Variants in MAPRE1 observed in about 807,000 individuals in gnomAD.
The protein encoded by MAPRE1 is microtubule associated protein RP/EB family member 1, also known as microtubule-associated protein RP/EB family member 1.
MAPRE1 carries 5 observed loss-of-function variants against 32.1 expected under a neutral mutation model. That is an observed-to-expected ratio of 0.16 (90% confidence interval 0.08 to 0.33). MAPRE1 has a LOEUF of 0.33. Among genes scored for constraint, MAPRE1 ranks in the 10% least tolerant of loss-of-function variants. The probability of loss-of-function intolerance (pLI) is 1.00; values close to 1 mark genes in which losing one functional copy is unlikely to be tolerated. For missense variants in MAPRE1, 209 were observed against 327.2 expected (o/e 0.64, Z 2.79); for synonymous variants, 122 against 118.9 (o/e 1.03, Z -0.17).
chr20:32,848,725 T>C lies in MAPRE1; in HGVS notation c.804T>C (p.Tyr268=). ...EGGPQEEQEE[Y] is the part of the protein sequence containing the mutation. ...GCCCACAGGAGGAGCAAGAAGAGTATTAACAGCCTGGACCAGCAGAGCAAC... is the reference window on the plus strand; with the variant it reads ...GCCCACAGGAGGAGCAAGAAGAGTACTAACAGCCTGGACCAGCAGAGCAAC... Residue 268 remains tyrosine (Y), a synonymous_variant, in exon 7 of 7, where the codon TAT becomes TAC. Coordinates refer to ENST00000375571, the MANE Select transcript of MAPRE1 (RefSeq NM_012325.3). 1 of 1,612,042 alleles carries C rather than the reference T, an allele frequency of 6.2e-7. No individual in the cohort carries two copies. Among genetic ancestry groups the C allele is most frequent in the Non-Finnish European group, 8.5e-7 (1 of 1,179,074 alleles).
intron 3 of MAPRE1, among the ~76,000 whole-genome samples, 166 bp downstream of exon 3, chr20:32,834,028 C>T (rs1464809486): frequency 6.6e-6 from 1 of 152,158 alleles, no homozygotes; most frequent in African/African-American, 2.4e-5. Context: ...CCCCTACCTT[C>T]TTGCCCCTAT....
At chr20:32,846,113 A>T (rs900352181) in intron 5 of MAPRE1, among the ~76,000 whole-genome samples, 1 of 152,192 alleles carries the variant, frequency 6.6e-6, no homozygotes, top group African/African-American at 2.4e-5. Context: ...GGACTGAGAC[A>T]GATTTCTTCA....
chr20:32,838,119 A>G (rs1163615486), intron 4 of MAPRE1, among the ~76,000 whole-genome samples: 2 of 152,140 alleles, frequency 1.3e-5, no homozygotes, highest in African/African-American at 2.4e-5. Flanking sequence ...TACATAGTTA[A>G]TAGTTGTCAC....
chr20:32,844,429 G>C (rs1983446487), intron 5 of MAPRE1, among the ~76,000 whole-genome samples: 1 of 126,904 alleles, frequency 7.9e-6, no homozygotes, highest in African/African-American at 2.9e-5. Context: ...TGGATACCAA[G>C]CTAGCATTCC....
In MAPRE1 at chr20:32,839,749, A is replaced by G. The variant is rs778621807; in HGVS notation, c.490A>G (p.Ile164Val). The G allele has an allele frequency of 2.5e-6, 4 of 1,614,042 alleles. No homozygotes were observed. The African/African-American group carries it at 4.0e-5, about 16-fold the overall frequency. Residue 164 changes from isoleucine to valine, a missense_variant, in exon 5 of 7, where the codon ATC (isoleucine) becomes GTC (valine). Around this residue, in one of 3 missense-constraint regions of MAPRE1, gnomAD observed 106 missense variants for 115.3 expected, o/e 0.92. Transcript: ENST00000375571. ...CTCTTTTTCAGCTCCCCAGAGGCCC[A>G]TCTCAACACAGAGAACCGCTGCGGC... ...TSSSAAPQRP[I>V]STQRTAAAPK...
intron 2 of MAPRE1, among the ~76,000 whole-genome samples, chr20:32,827,563 T>C (rs1254806708): frequency 1.3e-5 from 2 of 152,038 alleles, no homozygotes; most frequent in Non-Finnish European, 2.9e-5. Flanking sequence ...CACTCACTAA[T>C]CATGAGCCAC....
At chr20:32,839,351 G>A (rs1293978704) in intron 4 of MAPRE1, among the ~76,000 whole-genome samples, 1 of 152,202 alleles carries the variant, frequency 6.6e-6, no homozygotes, top group Admixed American at 6.5e-5. Context: ...AATCTTAGCT[G>A]TTGTAACCAA....
chr20:32,834,657 A>G (rs1983135700), intron 3 of MAPRE1, among the ~76,000 whole-genome samples: 1 of 152,076 alleles, frequency 6.6e-6, no homozygotes, highest in Non-Finnish European at 1.5e-5. Context: ...TGTCTCTACA[A>G]TATATAAAAT....
chr20:32,830,535 T>C (rs996403340), intron 2 of MAPRE1, among the ~76,000 whole-genome samples: 1 of 152,164 alleles, frequency 6.6e-6, no homozygotes, highest in African/African-American at 2.4e-5. Context: ...ATTCACAGTT[T>C]TATTTGTCTT....
intron 3 of MAPRE1, among the ~76,000 whole-genome samples, chr20:32,835,660 C>T (rs1224516208): frequency 6.6e-5 from 10 of 151,376 alleles, no homozygotes; most frequent in African/African-American, 2.4e-4. Context: ...GGCTGGAGTG[C>T]AGTGGTGCAA....
rs1983590134 is a variant in MAPRE1, at chr20:32,849,475, T to C, written c.*747T>C. The C allele has an allele frequency of 6.6e-6, 1 of 152,272 alleles. No individual in the cohort carries two copies. Among genetic ancestry groups the C allele is most frequent in the South Asian group, 2.1e-4 (1 of 4,836 alleles). The allele number at this position is 152,272 out of a possible 1,614,324, so 9.4% of individuals were successfully genotyped here. ...TTGAGCATTTCTCTATTTTTCCAGT[T>C]ATCCCCGAAATTTCTATGTATTATA... On this transcript the variant is annotated 3_prime_UTR_variant, in exon 7 of 7. Coordinates refer to ENST00000375571, the MANE Select transcript of MAPRE1 (RefSeq NM_012325.3).
At chr20:32,842,090 A>C (rs1377585390) in intron 5 of MAPRE1, among the ~76,000 whole-genome samples, 2 of 150,578 alleles carry the variant, frequency 1.3e-5, no homozygotes, top group African/African-American at 4.9e-5. Flanking sequence ...ATTTATTTTT[A>C]TTTTTATTTT....
chr20:32,843,705 G>A (rs1017961253), intron 5 of MAPRE1, among the ~76,000 whole-genome samples: 3 of 152,196 alleles, frequency 2.0e-5, no homozygotes, highest in East Asian at 3.8e-4. Context: ...CACTGGCCAC[G>A]TTTAAGTGTT....
chr20:32,847,723 T>C (rs1405594105), intron 6 of MAPRE1, among the ~76,000 whole-genome samples: 1 of 152,204 alleles, frequency 6.6e-6, no homozygotes, highest in Non-Finnish European at 1.5e-5. Flanking sequence ...ATTTAGTTAA[T>C]AGAAATAAGA....
intron 2 of MAPRE1, among the ~76,000 whole-genome samples, chr20:32,829,480 G>A (rs775281175): frequency 6.6e-6 from 1 of 152,152 alleles, no homozygotes; most frequent in African/African-American, 2.4e-5. Context: ...AAGAAGGCCC[G>A]CTGCCAGGGG....
chr20:32,830,395 A>T (rs1485066398), intron 2 of MAPRE1, among the ~76,000 whole-genome samples: 1 of 152,148 alleles, frequency 6.6e-6, no homozygotes, highest in Non-Finnish European at 1.5e-5. Context: ...CTTTTGCCCT[A>T]CCTGTCATTA....
At chr20:32,836,346 C>T (rs190577973) in intron 3 of MAPRE1, among the ~76,000 whole-genome samples, 3 of 152,282 alleles carry the variant, frequency 2.0e-5, no homozygotes, top group African/African-American at 4.8e-5. Context: ...TCACGTCTTA[C>T]GATGTGCTTG....
chr20:32,823,771 C>T (rs1179594673), intron 1 of MAPRE1, among the ~76,000 whole-genome samples: 3 of 152,140 alleles, frequency 2.0e-5, no homozygotes, highest in African/African-American at 7.2e-5. Context: ...CATCTGTAGT[C>T]CCAGCTACTT....
chr20:32,835,508 A>G (rs1386363272), intron 3 of MAPRE1, among the ~76,000 whole-genome samples: 2 of 152,082 alleles, frequency 1.3e-5, no homozygotes, highest in African/African-American at 4.8e-5. Flanking sequence ...ATTTGGAATT[A>G]CTTGGAAAAC....
Sources: allele counts gnomAD v4.1 joint callset (sites outside exome capture counted in the v4.1 genomes callset), GRCh38; gene constraint gnomAD v4.1.1; regional missense constraint gnomAD v4.1.1; transcripts MANE v1.5; gene names NCBI Gene and HGNC (gene_info 2026-07-23, HGNC 2026-07-21).